The following DYNC2H1 variants were observed in gnomAD, a reference collection of about 807,000 sequenced individuals.
The protein encoded by DYNC2H1 is dynein cytoplasmic 2 heavy chain 1.
A neutral mutation model predicts 570.0 loss-of-function variants in DYNC2H1; 410 were observed. That is an observed-to-expected ratio of 0.72 (90% confidence interval 0.66 to 0.78). DYNC2H1 has a LOEUF of 0.78. DYNC2H1 is among the 30% of genes least tolerant of loss of function. DYNC2H1 has a pLI of 0.00. For missense variants in DYNC2H1, 4,865 were observed against 5,046.4 expected (o/e 0.96, Z 1.09); for synonymous variants, 1,688 against 1,677.6 (o/e 1.01, Z -0.15).
chr11:103,190,482 G>C (rs1176886172), intron 45 of DYNC2H1, among the ~76,000 whole-genome samples: 2 of 152,102 alleles, frequency 1.3e-5, no homozygotes, highest in South Asian at 2.1e-4. Flanking sequence ...TGTTGTATAT[G>C]GTAGTTGTTA....
At chr11:103,372,979 T>G (rs1444154717) in intron 83 of DYNC2H1, among the ~76,000 whole-genome samples, 3 of 152,156 alleles carry the variant, frequency 2.0e-5, no homozygotes, top group Non-Finnish European at 4.4e-5. Flanking sequence ...GGTCTTGCTC[T>G]GTCACTCAGG....
chr11:103,479,009 T>C (rs1945659616), intron 88 of DYNC2H1, 86 bp from the exon 89 acceptor site: 1 of 1,401,410 alleles, frequency 7.1e-7, no homozygotes, highest in Admixed American at 2.0e-5. Flanking sequence ...TAATATAATA[T>C]TAATATGTTT....
Position 103,220,673 on chromosome 11 carries a change from A to T in DYNC2H1, c.8997A>T (p.Ser2999=). The change falls in exon 57 of 89, where the codon TCA becomes TCT. Residue 2999 remains serine (S), a synonymous_variant. Transcript: ENST00000375735. The part of the protein sequence containing the change: ...KLAVGNIKPE[S]LSEIRSLRMP... ...CAGTTGGAAACATTAAGCCCGAATC[A>T]CTTTCAGAAATTCGCTCACTACGCA... 1 of 1,612,522 alleles carries T rather than the reference A, an allele frequency of 6.2e-7. No homozygotes were observed. Among genetic ancestry groups the T allele is most frequent in the East Asian group, 2.2e-5 (1 of 44,792 alleles).
At chr11:103,121,104 G>A in intron 9 of DYNC2H1, 68 bp downstream of exon 9, 2 of 1,035,532 alleles carry the variant, frequency 1.9e-6, no homozygotes, top group South Asian at 2.0e-5. Context: ...TTTCTTCGTT[G>A]CATACCATTT....
chr11:103,347,104 A>G (rs551167169), intron 82 of DYNC2H1, among the ~76,000 whole-genome samples: 1 of 152,334 alleles, frequency 6.6e-6, no homozygotes, highest in East Asian at 1.9e-4. Context: ...GAACTAATTT[A>G]CCATTAACAG....
rs183208863 is a variant in DYNC2H1 at position 103,289,523 on chromosome 11, G to A, written c.11095+1918G>A. ...TACCTGTAATCCCAGCACATTTGGA[G>A]GCTGACGGGGGAGGATTGCTTGAGC... On this transcript the variant is annotated intron_variant, in intron 75 of 88. Coordinates refer to ENST00000375735, the MANE Select transcript of DYNC2H1 (RefSeq NM_001377.3). This position sits in a 1 kb window ranked among gnomAD's most constrained non-coding sequence, Gnocchi z 4.2. 3.0e-4 allele frequency among the ~76,000 whole-genome samples: 45 copies of A among 152,286 alleles called. No individual in the cohort carries two copies. The highest frequency in any genetic ancestry group is 1.1e-3 in the African/African-American group (45 of 41,562).
intron 87 of DYNC2H1, among the ~76,000 whole-genome samples, chr11:103,460,066 GTGAATT>G (rs1565618961): frequency 6.6e-6 from 1 of 152,002 alleles, no homozygotes; most frequent in African/African-American, 2.4e-5. Flanking sequence ...GTGGCCCAGG[GTGAATT>G]TGAACTCCTG....
At chr11:103,143,139 C>A in intron 17 of DYNC2H1, 129 bp from the exon 18 acceptor site, 2 of 879,646 alleles carry the variant, frequency 2.3e-6, no homozygotes, top group Non-Finnish European at 3.4e-6. Flanking sequence ...GATTATATTA[C>A]TTAAATTGAC....
intron 70 of DYNC2H1, among the ~76,000 whole-genome samples, 194 bp downstream of exon 70, chr11:103,260,171 G>A (rs1865214508): frequency 6.6e-6 from 1 of 152,192 alleles, no homozygotes; most frequent in African/African-American, 2.4e-5. Flanking sequence ...GACAAGTGAA[G>A]AAGGGACAGC....
intron 17 of DYNC2H1, among the ~76,000 whole-genome samples, chr11:103,139,415 C>G (rs944869585): frequency 1.3e-5 from 2 of 151,890 alleles, no homozygotes; most frequent in African/African-American, 4.8e-5. Context: ...TATGTTGTGT[C>G]TTTGTTCTCG....
At chr11:103,229,847 T>A (rs1486232114) in intron 59 of DYNC2H1, among the ~76,000 whole-genome samples, 1 of 152,224 alleles carries the variant, frequency 6.6e-6, no homozygotes, top group Non-Finnish European at 1.5e-5. Flanking sequence ...TTATTGTATG[T>A]GATCAATAAT....
rs576577834 is a variant in DYNC2H1 at position 103,258,156 on chromosome 11, C to G, written c.10605+405C>G. On this transcript the variant is annotated intron_variant, in intron 69 of 88. Transcript: ENST00000375735. ...TCCAGATAATGGAGGTACACTTGTC[C>G]ACTGCCTTATCAAGCATGTATTCTA... Among the ~76,000 whole-genome samples, 3 of 152,202 alleles carry G rather than the reference C, an allele frequency of 2.0e-5. No individual in the cohort carries two copies. The South Asian group carries it at 6.2e-4, about 32-fold the overall frequency.
chr11:103,371,141 C>G (rs988728823), intron 83 of DYNC2H1, among the ~76,000 whole-genome samples: 5 of 151,978 alleles, frequency 3.3e-5, no homozygotes, highest in Admixed American at 3.3e-4. Flanking sequence ...GGCAGAAATT[C>G]TTGAGTTGAA....
At position 103,200,137 on chromosome 11, in the gene DYNC2H1, A is replaced by G; in HGVS notation, c.8180A>G (p.Asn2727Ser). 1.3e-6 allele frequency: 2 copies of G among 1,574,350 alleles called. No homozygotes were observed. The highest frequency in any genetic ancestry group is 2.3e-5 in the East Asian group (1 of 43,396). ...CATCCTACATTTTTGGAGATGATCAATAGCCTTTTGTCTTCAGGCAAGTGA... is the reference window on the plus strand; with the variant it reads ...CATCCTACATTTTTGGAGATGATCAGTAGCCTTTTGTCTTCAGGCAAGTGA... ...FVHPTFLEMI[N>S]SLLSSGEVPG... Residue 2727 changes from asparagine to serine, a missense_variant, in exon 50 of 89, where the codon AAT becomes AGT. Physicochemically the swap from Asn to Ser is conservative, Grantham distance 46 (BLOSUM62 1). Around this residue, in one of 5 missense-constraint regions of DYNC2H1, gnomAD observed 2,401 missense variants for 2,454.6 expected, o/e 0.98. Coordinates refer to ENST00000375735, the MANE Select transcript of DYNC2H1 (RefSeq NM_001377.3).
chr11:103,405,839 G>C lies in DYNC2H1; in HGVS notation c.12366+5967G>C, dbSNP rs143301246. ...AACAATCAATGATTGATGAACGTAAGTGAAAAAAAGGTAAAATGGCTGAGT... is the reference window on the plus strand; with the variant it reads ...AACAATCAATGATTGATGAACGTAACTGAAAAAAAGGTAAAATGGCTGAGT... On this transcript the variant is annotated intron_variant, in intron 84 of 88. Coordinates refer to ENST00000375735, the MANE Select transcript of DYNC2H1 (RefSeq NM_001377.3). 1.8e-3 allele frequency: 273 copies of C among 151,934 alleles called. 1 individual carries two copies. Among genetic ancestry groups the C allele is most frequent in the African/African-American group, 6.3e-3 (261 of 41,470 alleles). 9.4% of individuals were successfully genotyped at this position (151,934 alleles called of 1,614,324 possible).
intron 82 of DYNC2H1, among the ~76,000 whole-genome samples, chr11:103,348,887 T>G (rs964753578): frequency 6.6e-6 from 1 of 152,050 alleles, no homozygotes; most frequent in Non-Finnish European, 1.5e-5. Flanking sequence ...TCTCACGAGA[T>G]CTGATGGTTT....
chr11:103,390,827 C>T (rs1942114892), intron 83 of DYNC2H1, among the ~76,000 whole-genome samples: 1 of 152,164 alleles, frequency 6.6e-6, no homozygotes, highest in Non-Finnish European at 1.5e-5. Flanking sequence ...TATTGGCCCC[C>T]ACTCTCTTCT....
At position 103,264,985 on chromosome 11, in the gene DYNC2H1, A is replaced by T. The variant is rs1238471759; in HGVS notation, c.10695+5008A>T. Among the ~76,000 whole-genome samples, 2 of 152,240 alleles carry T rather than the reference A, an allele frequency of 1.3e-5. No homozygotes were observed. ...TTAGAAAACCCCATCGTCTCAGCCC[A>T]AAAGCTCCTTAAGCTAATAAGCAAC... On this transcript the variant is annotated intron_variant, in intron 70 of 88. Transcript: ENST00000375735. This position sits in a 1 kb window ranked among gnomAD's most constrained non-coding sequence, Gnocchi z 4.8.
At chr11:103,453,632 A>ATATATATG (rs1944684770) in intron 85 of DYNC2H1, among the ~76,000 whole-genome samples, 2 of 106,394 alleles carry the variant, frequency 1.9e-5, no homozygotes, top group Non-Finnish European at 4.0e-5. Context: ...ATATATATAT[A>ATATATATG]TATATATATA....
Sources: allele counts gnomAD v4.1 joint callset (sites outside exome capture counted in the v4.1 genomes callset), GRCh38; gene constraint gnomAD v4.1.1; regional missense constraint gnomAD v4.1.1; non-coding constraint Gnocchi (gnomAD v3.1); transcripts MANE v1.5; gene names NCBI Gene and HGNC (gene_info 2026-07-23, HGNC 2026-07-21).